ARAP3: variants seen among roughly 807,000 people sequenced by gnomAD.
The protein encoded by ARAP3 is arf-GAP with Rho-GAP domain, ANK repeat and PH domain-containing protein 3.
ARAP3 carries 82 observed loss-of-function variants against 169.2 expected under a neutral mutation model. The ratio of observed to expected loss-of-function variants is 0.48; its 90% CI spans 0.41 to 0.58. The LOEUF (loss-of-function observed/expected upper bound fraction) is 0.58, where lower values mean the gene tolerates loss of function less well. Ranked by LOEUF, ARAP3 falls within the 20% of genes least tolerant of loss-of-function variation. The pLI, the probability that ARAP3 is intolerant of heterozygous loss-of-function variation, is 0.00. For missense variants in ARAP3, 1,764 were observed against 2,018.0 expected (o/e 0.87, Z 2.41); for synonymous variants, 791 against 800.3 (o/e 0.99, Z 0.20).
chr5:141,672,864 G>A lies in ARAP3; in HGVS notation c.1155C>T (p.Gly385=), dbSNP rs750300072. 1 of 1,605,624 alleles carries A rather than the reference G, an allele frequency of 6.2e-7. No homozygotes were observed. The highest frequency in any genetic ancestry group is 8.5e-7 in the Non-Finnish European group (1 of 1,175,946). Residue 385 remains glycine (G), a synonymous_variant, in exon 8 of 33, where the codon GGC becomes GGT. Coordinates refer to ENST00000239440, the MANE Select transcript of ARAP3 (RefSeq NM_022481.6). The surrounding 1 kb of genome is among the most constrained non-coding windows in gnomAD (Gnocchi z 4.9). Reference sequence around the variant, plus strand: ...GGGGTGGTTGGGGGGGCCGGGGGTGGCCCAGGAGGCGCTGCTCCTTCAGAC... The same window carrying A: ...GGGGTGGTTGGGGGGGCCGGGGGTGACCCAGGAGGCGCTGCTCCTTCAGAC... The part of the protein sequence containing the change: ...QSCLKEQRLL[G]HPRPPQPPRP...
Position 141,671,703 on chromosome 5 carries a change from G to A in ARAP3, c.1721C>T (p.Thr574Ile). The A allele has an allele frequency of 1.2e-6, 2 of 1,611,640 alleles. No homozygotes were observed. Among genetic ancestry groups the A allele is most frequent in the Middle Eastern group, 3.3e-4 (2 of 6,042 alleles). ...NDRANRFWAG[T>I]LPPGEGLHPD... ...ATGTAGTCCCTCACCTGGGGGTAGG[G>A]TCCCTGCCCAGAAGCGGTTGGCACG... Residue 574 changes from threonine (T) to isoleucine (I), a missense_variant, in exon 12 of 33, where the codon ACC (threonine) becomes ATC (isoleucine). This residue lies in a region of ARAP3 where 1,112 missense variants were observed against 1,285.7 expected (regional missense o/e 0.86). Transcript: ENST00000239440. This position sits in a 1 kb window ranked among gnomAD's most constrained non-coding sequence, Gnocchi z 4.9.
rs1405338407 is a variant in ARAP3, at chr5:141,672,536, C to G, written c.1385+16G>C. The G allele has an allele frequency of 6.2e-7, 1 of 1,613,476 alleles. No individual in the cohort carries two copies. Among genetic ancestry groups the G allele is most frequent in the Non-Finnish European group, 8.5e-7 (1 of 1,179,748 alleles). On this transcript the variant is annotated intron_variant, in intron 9 of 32. Coordinates refer to ENST00000239440, the MANE Select transcript of ARAP3 (RefSeq NM_022481.6). The surrounding 1 kb of genome is among the most constrained non-coding windows in gnomAD (Gnocchi z 4.9). Reference sequence around the variant, plus strand: ...AAAAGTCCCCCAGCCTTGCCTCCCACTGGCCCAGGCCCCACCTGAAGCAGC... The same window carrying G: ...AAAAGTCCCCCAGCCTTGCCTCCCAGTGGCCCAGGCCCCACCTGAAGCAGC...
chr5:141,667,280 TG>T (rs1165515811), intron 16 of ARAP3, among the ~76,000 whole-genome samples: 2 of 152,094 alleles, frequency 1.3e-5, no homozygotes, highest in African/African-American at 4.8e-5. Context: ...CCTAGGGGGC[TG>T]GGGAGAAGCT....
In ARAP3 at chr5:141,673,736, G is replaced by A. The variant is rs923129643; in HGVS notation, c.771C>T (p.Thr257=). 1.2e-6 allele frequency: 2 copies of A among 1,614,058 alleles called. No individual in the cohort carries two copies. The highest frequency in any genetic ancestry group is 1.3e-5 in the African/African-American group (1 of 74,918). ...YASLELPGDS[T]LLSPTLETEE... is the part of the protein sequence containing the mutation. The stretch of plus-strand genomic sequence containing the variant: ...CTGTTTCCAGGGTGGGCGATAAGAG[G>A]GTGGAGTCTCCAGGTAGCTCAAGGC... The change falls in exon 5 of 33, where the codon ACC becomes ACT. Residue 257 remains threonine, a synonymous_variant. Coordinates refer to ENST00000239440, the MANE Select transcript of ARAP3 (RefSeq NM_022481.6).
At chr5:141,677,321 G>A (rs1200574246) in intron 4 of ARAP3, among the ~76,000 whole-genome samples, 1 of 151,862 alleles carries the variant, frequency 6.6e-6, no homozygotes, top group African/African-American at 2.4e-5. Flanking sequence ...CTCATATTAA[G>A]TCTTTGAAAT....
intron 1 of ARAP3, 161 bp from the exon 2 acceptor site, chr5:141,680,664 C>G: frequency 9.0e-7 from 1 of 1,108,972 alleles, no homozygotes; most frequent in Non-Finnish European, 1.2e-6. Context: ...AGAACAACAG[C>G]AATGGCTCTC....
At chr5:141,658,839 A>G in intron 23 of ARAP3, among the ~76,000 whole-genome samples, 186 bp from the exon 24 acceptor site, 1 of 152,138 alleles carries the variant, frequency 6.6e-6, no homozygotes. Flanking sequence ...TAGGCTGCAC[A>G]TGTACTTCCC....
At chr5:141,662,369 A>G in intron 19 of ARAP3, 114 bp from the exon 20 acceptor site, 1 of 962,218 alleles carries the variant, frequency 1.0e-6, no homozygotes, top group South Asian at 1.5e-5. Flanking sequence ...TGGGATTCAG[A>G]GAGGAGGAGA....
Position 141,671,308 on chromosome 5 carries a change from G to C in ARAP3, c.1947C>G (p.Phe649Leu). The C allele has an allele frequency of 6.2e-7, 1 of 1,613,498 alleles. No homozygotes were observed. The change falls in exon 13 of 33, where the codon TTC becomes TTG. Residue 649 changes from phenylalanine (F) to leucine (L), a missense_variant. Physicochemically the swap from Phe to Leu is conservative, Grantham distance 22 (BLOSUM62 0). Transcript: ENST00000239440. The surrounding 1 kb of genome is among the most constrained non-coding windows in gnomAD (Gnocchi z 4.9). ...GGCAGCTGCCATCAGGGGCTGGGGG[G>C]AACCAGGGCTCCTCGCCTTCAAAGG... ...VEAFEGEEPW[F>L]PPAPDGSCPG...
chr5:141,680,095 G>T lies in ARAP3; in HGVS notation c.392C>A (p.Pro131His). Residue 131 changes from proline (P) to histidine (H), a missense_variant, in exon 2 of 33, where the codon CCC (proline) becomes CAC (histidine). Physicochemically the swap from Pro to His is moderately conservative, Grantham distance 77 (BLOSUM62 -2). Around this residue, in one of 3 missense-constraint regions of ARAP3, gnomAD observed 630 missense variants for 678.7 expected, o/e 0.93. Coordinates refer to ENST00000239440, the MANE Select transcript of ARAP3 (RefSeq NM_022481.6). ...GGGGAGAGGAGGAGGCCTTGGGCTGGGCTCTGGGCTCCTGGACACTCCTGG... is the reference window on the plus strand; with the variant it reads ...GGGGAGAGGAGGAGGCCTTGGGCTGTGCTCTGGGCTCCTGGACACTCCTGG... ...GGPGVSRSPEPSPRPPPLPTS... is the reference protein window; with the variant it reads ...GGPGVSRSPEHSPRPPPLPTS... 1 of 1,613,574 alleles carries T rather than the reference G, an allele frequency of 6.2e-7. No individual in the cohort carries two copies. Among genetic ancestry groups the T allele is most frequent in the South Asian group, 1.1e-5 (1 of 91,060 alleles).
At chr5:141,658,692 G>A in intron 23 of ARAP3, 39 bp from the exon 24 acceptor site, 2 of 1,537,176 alleles carry the variant, frequency 1.3e-6, no homozygotes, top group Non-Finnish European at 1.8e-6. Context: ...GGCAAAAAAA[G>A]GGTGCAAAAG....
Position 141,655,212 on chromosome 5 carries a change from C to CAT in ARAP3, c.4149+149_4149+150insAT. Reference sequence around the variant, plus strand: ...ACACACACACACACACACACACACACACCCTGATGGCCTACACACACACAC... The same window carrying CAT: ...ACACACACACACACACACACACACACATACCCTGATGGCCTACACACACACAC... On this transcript the variant is annotated intron_variant, in intron 32 of 32. Coordinates refer to ENST00000239440, the MANE Select transcript of ARAP3 (RefSeq NM_022481.6). The CAT allele has an allele frequency of 4.9e-5, 33 of 675,798 alleles. No homozygotes were observed. The South Asian group carries it at 6.2e-4, about 13-fold the overall frequency. 41.9% of individuals were successfully genotyped at this position (675,798 alleles called of 1,614,324 possible).
chr5:141,680,506 G>T lies in ARAP3; in HGVS notation c.-17-3C>A. ...AGCCATGGGGGCTCAGGCCATTGCT[G>T]GGGGGAGGGGCAGGGTGAAGGGAGG... On this transcript the variant is annotated splice_region_variant and splice_polypyrimidine_tract_variant and intron_variant, in intron 1 of 32. Coordinates refer to ENST00000239440, the MANE Select transcript of ARAP3 (RefSeq NM_022481.6). 1 of 1,568,978 alleles carries T rather than the reference G, an allele frequency of 6.4e-7. No individual in the cohort carries two copies. The highest frequency in any genetic ancestry group is 8.6e-7 in the Non-Finnish European group (1 of 1,159,450).
chr5:141,665,085 C>A lies in ARAP3; in HGVS notation c.2637G>T (p.Arg879Ser). Residue 879 changes from arginine to serine, a missense_variant and splice_region_variant, in exon 19 of 33, where the codon AGG (arginine) becomes AGT (serine). Around this residue, in one of 3 missense-constraint regions of ARAP3, gnomAD observed 1,112 missense variants for 1,285.7 expected, o/e 0.86. Transcript: ENST00000239440. Reference protein sequence around the residue: ...KEHLVLVETGRTLYLQGEGRL... With the variant: ...KEHLVLVETGSTLYLQGEGRL... The stretch of plus-strand genomic sequence containing the variant: ...GGCCCTCTCCTTGCAGATACAGGGT[C>A]CTGAGACCCCAGAGGCCTGAATCAG... 1 of 1,610,122 alleles carries A rather than the reference C, an allele frequency of 6.2e-7. No homozygotes were observed. The highest frequency in any genetic ancestry group is 8.5e-7 in the Non-Finnish European group (1 of 1,177,750).
chr5:141,675,383 C>T (rs1048763233), intron 4 of ARAP3, among the ~76,000 whole-genome samples: 13 of 152,098 alleles, frequency 8.5e-5, no homozygotes, highest in African/African-American at 2.9e-4. Flanking sequence ...AGGGCCCAGG[C>T]ACTCATAGTT....
At chr5:141,679,706 G>A in intron 3 of ARAP3, 50 bp from the exon 4 acceptor site, 1 of 1,613,734 alleles carries the variant, frequency 6.2e-7, no homozygotes, top group Non-Finnish European at 8.5e-7. Flanking sequence ...CGCTGGGAGT[G>A]TATGAGGTCC....
In ARAP3 at chr5:141,653,841, C is replaced by A; in HGVS notation, c.*109G>T. 1 of 1,449,082 alleles carries A rather than the reference C, an allele frequency of 6.9e-7. No homozygotes were observed. Among genetic ancestry groups the A allele is most frequent in the Non-Finnish European group, 9.2e-7 (1 of 1,084,868 alleles). The allele number at this position is 1,449,082 out of a possible 1,614,324, so 89.8% of individuals were successfully genotyped here. A position where few individuals can be genotyped will look rare whatever the true frequency, so the allele number is the denominator to read the frequency against. On this transcript the variant is annotated 3_prime_UTR_variant, in exon 33 of 33. Coordinates refer to ENST00000239440, the MANE Select transcript of ARAP3 (RefSeq NM_022481.6). Reference sequence around the variant, plus strand: ...GTCCAGTGCTCCTTCCACAGCACCACACTGGATTCTGGAGTCTTTCCAGCC... The same window carrying A: ...GTCCAGTGCTCCTTCCACAGCACCAAACTGGATTCTGGAGTCTTTCCAGCC...
chr5:141,676,018 A>G (rs1562425197), intron 4 of ARAP3, among the ~76,000 whole-genome samples: 1 of 152,124 alleles, frequency 6.6e-6, no homozygotes, highest in African/African-American at 2.4e-5. Flanking sequence ...CCTCCCTACC[A>G]GATCATTCCT....
Position 141,655,668 on chromosome 5 carries a change from G to A in ARAP3, c.4063C>T (p.Arg1355Cys), listed in dbSNP as rs369505822. 63 of 1,614,044 alleles carry A rather than the reference G, an allele frequency of 3.9e-5. No individual in the cohort carries two copies. The highest frequency in any genetic ancestry group is 8.0e-5 in the African/African-American group (6 of 74,918). ...AGGGTGGCTCCACTGTCATCCCCACGGATAGGCAGCAAAGGCATAGTGCCA... is the reference window on the plus strand; with the variant it reads ...AGGGTGGCTCCACTGTCATCCCCACAGATAGGCAGCAAAGGCATAGTGCCA... ...KFGTMPLLPI[R>C]GDDSGATLLS... Residue 1355 changes from arginine (R) to cysteine (C), a missense_variant, in exon 31 of 33, where the codon CGT (arginine) becomes TGT (cysteine). Physicochemically the swap from Arg to Cys is radical, Grantham distance 180. This residue lies in a region of ARAP3 where 1,112 missense variants were observed against 1,285.7 expected (regional missense o/e 0.86). Coordinates refer to ENST00000239440, the MANE Select transcript of ARAP3 (RefSeq NM_022481.6).
Sources: allele counts gnomAD v4.1 joint callset (sites outside exome capture counted in the v4.1 genomes callset), GRCh38; gene constraint gnomAD v4.1.1; regional missense constraint gnomAD v4.1.1; non-coding constraint Gnocchi (gnomAD v3.1); transcripts MANE v1.5; gene names NCBI Gene and HGNC (gene_info 2026-07-23, HGNC 2026-07-21).